Variants in LHPP observed in about 807,000 individuals in gnomAD.
LHPP encodes the protein phospholysine phosphohistidine inorganic pyrophosphate phosphatase.
Under a neutral mutation model 30.3 loss-of-function variants are expected in LHPP, and 24 were observed. The observed-to-expected ratio is 0.79, with a 90% CI of 0.57 to 1.11. The LOEUF (loss-of-function observed/expected upper bound fraction) is 1.11. Among genes scored for constraint, LHPP ranks in the 50% most tolerant of loss-of-function variants. The pLI is 0.00. For missense variants in LHPP, 356 were observed against 367.2 expected (o/e 0.97, Z 0.25); for synonymous variants, 150 against 157.1 (o/e 0.95, Z 0.34).
chr10:124,563,505 G>C (rs1564832667), intron 6 of LHPP, among the ~76,000 whole-genome samples: 1 of 152,090 alleles, frequency 6.6e-6, no homozygotes, highest in South Asian at 2.1e-4. Context: ...TGGATGGGGT[G>C]GGGCGGGGCA....
intron 6 of LHPP, among the ~76,000 whole-genome samples, chr10:124,518,305 C>CT (rs1230925478): frequency 1.3e-5 from 2 of 152,214 alleles, no homozygotes; most frequent in Non-Finnish European, 2.9e-5. Flanking sequence ...TAGGCCTGGC[C>CT]TAAGGGAGTG....
intron 6 of LHPP, among the ~76,000 whole-genome samples, chr10:124,609,818 G>A (rs1292099606): frequency 1.3e-5 from 2 of 152,212 alleles, no homozygotes; most frequent in Non-Finnish European, 2.9e-5. Context: ...GCCGCGGCAG[G>A]AACTCACCCC....
At chr10:124,539,651 A>G in intron 6 of LHPP, among the ~76,000 whole-genome samples, 1 of 151,010 alleles carries the variant, frequency 6.6e-6, no homozygotes. Context: ...CAGGAGAATC[A>G]CTTGAACCTG....
intron 6 of LHPP, among the ~76,000 whole-genome samples, chr10:124,521,784 G>A (rs890163653): frequency 1.6e-4 from 25 of 152,196 alleles, no homozygotes; most frequent in African/African-American, 6.0e-4. Flanking sequence ...GGATGACTGA[G>A]GCCTCCCACT....
At chr10:124,540,721 G>A (rs780739212) in intron 6 of LHPP, among the ~76,000 whole-genome samples, 2 of 152,100 alleles carry the variant, frequency 1.3e-5, no homozygotes, top group East Asian at 1.9e-4. Context: ...GAGAGAAAGA[G>A]CATCTTCTCC....
intron 6 of LHPP, among the ~76,000 whole-genome samples, chr10:124,518,638 G>T (rs1480039811): frequency 3.3e-5 from 5 of 152,214 alleles, no homozygotes; most frequent in Non-Finnish European, 5.9e-5. Context: ...GAACCGTACT[G>T]TGTTGTGTAC....
chr10:124,573,099 C>T (rs534893828), intron 6 of LHPP, among the ~76,000 whole-genome samples: 3 of 152,218 alleles, frequency 2.0e-5, no homozygotes, highest in Non-Finnish European at 4.4e-5. Flanking sequence ...GCTACTTAAG[C>T]AGTGTCACAG....
chr10:124,508,032 T>C (rs1347079122), intron 5 of LHPP, among the ~76,000 whole-genome samples: 2 of 151,864 alleles, frequency 1.3e-5, no homozygotes, highest in Non-Finnish European at 2.9e-5. Context: ...CCATATAAAC[T>C]CAAAGGTGCC....
chr10:124,610,522 G>A (rs1353146601), intron 6 of LHPP, among the ~76,000 whole-genome samples: 2 of 17,888 alleles, frequency 1.1e-4, no homozygotes, highest in African/African-American at 3.3e-4. Flanking sequence ...GTGAGGGTGC[G>A]GGTGAGGGTG....
intron 5 of LHPP, among the ~76,000 whole-genome samples, chr10:124,513,078 G>A (rs962230232): frequency 4.0e-5 from 6 of 150,830 alleles, no homozygotes; most frequent in African/African-American, 1.5e-4. Flanking sequence ...CATGTAGTTT[G>A]TTTGTTTGTT....
chr10:124,564,816 G>A (rs1038147806), intron 6 of LHPP, among the ~76,000 whole-genome samples: 4 of 152,114 alleles, frequency 2.6e-5, no homozygotes, highest in African/African-American at 9.7e-5. Context: ...TTTTTAGGAT[G>A]GAAAAGTTAT....
chr10:124,545,581 G>A (rs1336745247), intron 6 of LHPP, among the ~76,000 whole-genome samples: 5 of 152,176 alleles, frequency 3.3e-5, no homozygotes, highest in Non-Finnish European at 7.3e-5. Flanking sequence ...GCTGGCAGCT[G>A]CTCCCAGGTA....
rs1251788496 is a variant in LHPP, at chr10:124,478,390, AG to A, written c.126-5745del. Among the ~76,000 whole-genome samples, 2 of 152,102 alleles carry A rather than the reference AG, an allele frequency of 1.3e-5. No homozygotes were observed. Among genetic ancestry groups the A allele is most frequent in the Admixed American group, 1.3e-4 (2 of 15,284 alleles). ...CTAGAGGGCAGGGGGCCCAGCTGGG[AG>A]GGGCTCATGCTGCCCTTTTCCTGAG... On this transcript the variant is annotated intron_variant, in intron 1 of 6. Coordinates refer to ENST00000368842, the MANE Select transcript of LHPP (RefSeq NM_022126.4). The surrounding 1 kb of genome is among the most constrained non-coding windows in gnomAD (Gnocchi z 4.7).
At chr10:124,491,138 G>A (rs1320008635) in intron 3 of LHPP, among the ~76,000 whole-genome samples, 1 of 152,212 alleles carries the variant, frequency 6.6e-6, no homozygotes, top group African/African-American at 2.4e-5. Context: ...GTTCTGCACA[G>A]CTAGAATTCT....
chr10:124,498,630 T>G (rs1953802209), intron 5 of LHPP: 1 of 690,842 alleles, frequency 1.4e-6, no homozygotes, highest in Non-Finnish European at 2.5e-6. Flanking sequence ...GAGTCTGGCT[T>G]CGTCCTCCAG....
chr10:124,536,343 A>G (rs11245270), intron 6 of LHPP, among the ~76,000 whole-genome samples: 9,134 of 152,328 alleles, frequency 0.06, 404 homozygotes, highest in East Asian at 0.19. Flanking sequence ...GGAACCAGGA[A>G]AGAGGAAGCG....
At chr10:124,518,580 C>T (rs551976485) in intron 6 of LHPP, among the ~76,000 whole-genome samples, 6 of 152,368 alleles carry the variant, frequency 3.9e-5, no homozygotes, top group African/African-American at 7.2e-5. Flanking sequence ...AGTGACACCT[C>T]CCTGCTTGGG....
chr10:124,554,623 CA>C (rs1361620724), intron 6 of LHPP, among the ~76,000 whole-genome samples: 1 of 152,230 alleles, frequency 6.6e-6, no homozygotes, highest in Non-Finnish European at 1.5e-5. Context: ...CTATCATTGA[CA>C]GCCCTAGACG....
chr10:124,472,342 A>T (rs1479703033), intron 1 of LHPP, among the ~76,000 whole-genome samples: 1 of 152,130 alleles, frequency 6.6e-6, no homozygotes, highest in Non-Finnish European at 1.5e-5. Context: ...GCAGCAGTGA[A>T]CCACACAACA....
Sources: gnomAD v4.1 joint callset for allele counts (sites outside exome capture counted in the v4.1 genomes callset) on GRCh38, gnomAD v4.1.1 for gene constraint, Gnocchi (gnomAD v3.1) non-coding constraint, MANE v1.5 for transcripts, NCBI Gene and HGNC (gene_info 2026-07-23, HGNC 2026-07-21) for gene names.